LRRC4C: variants seen among roughly 807,000 people sequenced by gnomAD.
LRRC4C encodes leucine rich repeat containing 4C.
LRRC4C carries 5 observed loss-of-function variants against 33.6 expected under a neutral mutation model. The ratio of observed to expected loss-of-function variants is 0.15; its 90% CI spans 0.08 to 0.31. LRRC4C has a LOEUF of 0.31. Ranked by LOEUF, LRRC4C falls within the 10% of genes least tolerant of loss-of-function variation. The pLI, the probability that LRRC4C is intolerant of heterozygous loss-of-function variation, is 1.00. For synonymous variants in LRRC4C, 329 were observed against 302.0 expected (o/e 1.09, Z -0.93); for missense variants, 560 against 796.7 (o/e 0.70, Z 3.58).
intron 1 of LRRC4C, among the ~76,000 whole-genome samples, chr11:41,337,252 T>C (rs551940924): frequency 1.4e-4 from 21 of 151,976 alleles, no homozygotes; most frequent in Non-Finnish European, 2.4e-4. Flanking sequence ...TGCTATGTTG[T>C]CCAGGCTGGT....
chr11:41,186,075 T>G (rs576656615), intron 1 of LRRC4C, among the ~76,000 whole-genome samples: 1 of 152,012 alleles, frequency 6.6e-6, no homozygotes, highest in Non-Finnish European at 1.5e-5. Context: ...AAAAGATAGA[T>G]AAATGACATG....
chr11:40,739,945 C>T (rs1008546202), intron 2 of LRRC4C, among the ~76,000 whole-genome samples: 10 of 150,994 alleles, frequency 6.6e-5, no homozygotes, highest in South Asian at 4.2e-4. Flanking sequence ...TCAACATATA[C>T]GATTATATAT....
intron 2 of LRRC4C, among the ~76,000 whole-genome samples, chr11:40,813,437 C>T: frequency 6.6e-6 from 1 of 152,056 alleles, no homozygotes; most frequent in Admixed American, 6.6e-5. Context: ...ATTACAGTAA[C>T]ATTATGGGGA....
chr11:40,969,072 G>C (rs1257707965), intron 1 of LRRC4C, among the ~76,000 whole-genome samples: 2 of 152,236 alleles, frequency 1.3e-5, no homozygotes, highest in South Asian at 2.1e-4. Flanking sequence ...TTCATGAAAA[G>C]AGGTCAAAAT....
intron 1 of LRRC4C, among the ~76,000 whole-genome samples, chr11:41,419,342 C>T (rs1032420092): frequency 2.6e-4 from 40 of 151,832 alleles, no homozygotes; most frequent in Non-Finnish European, 3.2e-4. Flanking sequence ...GCTAACTGTC[C>T]TTCCTCAAGA....
At chr11:40,429,121 T>C (rs1414292659) in intron 3 of LRRC4C, among the ~76,000 whole-genome samples, 2 of 152,212 alleles carry the variant, frequency 1.3e-5, no homozygotes, top group Non-Finnish European at 2.9e-5. Context: ...AAAATAGCAC[T>C]ACTAATATTT....
Position 40,965,807 on chromosome 11 carries a change from C to G in LRRC4C, c.-495-32084G>C, listed in dbSNP as rs1851318581. 1.3e-5 allele frequency among the ~76,000 whole-genome samples: 2 copies of G among 152,050 alleles called. 1 individual carries two copies. The highest frequency in any genetic ancestry group is 4.1e-4 in the South Asian group (2 of 4,828). On this transcript the variant is annotated intron_variant, in intron 1 of 6. Coordinates refer to ENST00000528697, the MANE Select transcript of LRRC4C (RefSeq NM_001258419.2). ...TAGTTTGAAGTCAGGTAGCGTGATGCCTCCAACTTTGTTCTTTTGGCTTAG... is the reference window on the plus strand; with the variant it reads ...TAGTTTGAAGTCAGGTAGCGTGATGGCTCCAACTTTGTTCTTTTGGCTTAG...
At chr11:41,403,978 C>T (rs1954122707) in intron 1 of LRRC4C, among the ~76,000 whole-genome samples, 1 of 151,956 alleles carries the variant, frequency 6.6e-6, no homozygotes, top group African/African-American at 2.4e-5. Flanking sequence ...TACACAATGG[C>T]AATGACCTTG....
intron 1 of LRRC4C, among the ~76,000 whole-genome samples, chr11:41,072,097 T>C (rs1428122841): frequency 4.6e-5 from 7 of 152,054 alleles, no homozygotes; most frequent in Non-Finnish European, 1.0e-4. Flanking sequence ...CTGGTTAAGA[T>C]GCTGGGAACA....
At chr11:40,920,042 C>T (rs1224789153) in intron 2 of LRRC4C, among the ~76,000 whole-genome samples, 1 of 152,026 alleles carries the variant, frequency 6.6e-6, no homozygotes, top group African/African-American at 2.4e-5. Flanking sequence ...CCTCTAGTGA[C>T]AGGAAGGTCA....
intron 1 of LRRC4C, among the ~76,000 whole-genome samples, chr11:41,168,517 G>C (rs966012238): frequency 2.6e-5 from 4 of 152,134 alleles, no homozygotes; most frequent in African/African-American, 9.7e-5. Context: ...TCTCTAATCT[G>C]TACTTAATGA....
At chr11:40,621,096 C>A (rs1409613814) in intron 3 of LRRC4C, among the ~76,000 whole-genome samples, 1 of 151,648 alleles carries the variant, frequency 6.6e-6, no homozygotes, top group Admixed American at 6.6e-5. Context: ...TTCAGCTATC[C>A]TTTTCATCTC....
intron 2 of LRRC4C, among the ~76,000 whole-genome samples, chr11:40,686,493 G>C (rs1944962458): frequency 6.6e-6 from 1 of 151,876 alleles, no homozygotes; most frequent in Admixed American, 6.6e-5. Context: ...AACTTCACCG[G>C]GGGCGGCCCA....
intron 1 of LRRC4C, among the ~76,000 whole-genome samples, chr11:41,331,823 A>G (rs561522664): frequency 6.6e-6 from 1 of 152,124 alleles, no homozygotes; most frequent in African/African-American, 2.4e-5. Flanking sequence ...AAAAGAAGGG[A>G]CATCTTTGCT....
chr11:41,107,835 G>C (rs1324817872), intron 1 of LRRC4C, among the ~76,000 whole-genome samples: 1 of 152,076 alleles, frequency 6.6e-6, no homozygotes, highest in Non-Finnish European at 1.5e-5. Context: ...TACTCAGAAG[G>C]CTGAGGCAGG....
intron 1 of LRRC4C, among the ~76,000 whole-genome samples, chr11:41,225,287 A>T (rs1339458441): frequency 6.6e-6 from 1 of 152,164 alleles, no homozygotes; most frequent in Non-Finnish European, 1.5e-5. Context: ...AAAATAACTA[A>T]AAGAGTTACA....
chr11:41,265,659 T>C (rs541073790), intron 1 of LRRC4C, among the ~76,000 whole-genome samples: 13 of 152,254 alleles, frequency 8.5e-5, no homozygotes, highest in African/African-American at 2.9e-4. Context: ...AACTTTATAT[T>C]GTTCTCATCA....
Position 40,735,826 on chromosome 11 carries a change from T to G in LRRC4C, c.-406-87548A>C, listed in dbSNP as rs1039899982. ...CACATCCTCTCCAGCACCTGTTGTT[T>G]CCTGACTTTTTAATGATCGCCATTC... On this transcript the variant is annotated intron_variant, in intron 2 of 6. Coordinates refer to ENST00000528697, the MANE Select transcript of LRRC4C (RefSeq NM_001258419.2). Among the ~76,000 whole-genome samples, 3 of 150,388 alleles carry G rather than the reference T, an allele frequency of 2.0e-5. No individual in the cohort carries two copies. In the Admixed American group the frequency reaches 2.0e-4, roughly 10 times the overall value.
At chr11:40,336,955 G>A (rs564884344) in intron 3 of LRRC4C, among the ~76,000 whole-genome samples, 12 of 125,614 alleles carry the variant, frequency 9.6e-5, no homozygotes, top group Admixed American at 2.6e-4. Context: ...CCAGCCTGGG[G>A]GACAGAGCGA....
Sources: gnomAD v4.1 joint callset for allele counts (sites outside exome capture counted in the v4.1 genomes callset) on GRCh38, gnomAD v4.1.1 for gene constraint, MANE v1.5 for transcripts, NCBI Gene and HGNC (gene_info 2026-07-23, HGNC 2026-07-21) for gene names.